The following CACUL1 variants were observed in gnomAD, a reference collection of about 807,000 sequenced individuals.
CACUL1 encodes CDK2-associated and cullin domain-containing protein 1.
CACUL1 carries 13 observed loss-of-function variants against 45.2 expected under a neutral mutation model. That is an observed-to-expected ratio of 0.29 (90% CI 0.19 to 0.46). CACUL1 has a LOEUF of 0.46. CACUL1 is among the 20% of genes least tolerant of loss of function. The pLI, the probability that CACUL1 is intolerant of heterozygous loss-of-function variation, is 1.00. For synonymous variants in CACUL1, 197 were observed against 174.2 expected (o/e 1.13, Z -1.03); for missense variants, 421 against 471.4 (o/e 0.89, Z 0.99).
At chr10:118,709,738 G>C (rs945037870) in intron 3 of CACUL1, among the ~76,000 whole-genome samples, 30 of 152,226 alleles carry the variant, frequency 2.0e-4, no homozygotes, top group African/African-American at 7.0e-4. Flanking sequence ...TTTCATAAAT[G>C]TCCAAATATT....
intron 4 of CACUL1, 57 bp downstream of exon 4, chr10:118,707,435 T>G (rs1845442897): frequency 2.5e-6 from 2 of 794,780 alleles, no homozygotes; most frequent in South Asian, 3.0e-5. Flanking sequence ...CTGCATCTAT[T>G]TGTGCTCTCA....
intron 1 of CACUL1, among the ~76,000 whole-genome samples, chr10:118,743,725 G>A (rs1473895701): frequency 9.2e-5 from 14 of 151,426 alleles, no homozygotes; most frequent in Non-Finnish European, 2.9e-5. Context: ...CGGAAACTCC[G>A]TCCCCAAAAA....
chr10:118,754,355 G>A (rs751629702), intron 1 of CACUL1, 41 bp downstream of exon 1: 1 of 1,463,502 alleles, frequency 6.8e-7, no homozygotes, highest in East Asian at 2.7e-5. Context: ...GTCCGAGTGA[G>A]GTGGAGAAAA....
intron 3 of CACUL1, among the ~76,000 whole-genome samples, chr10:118,724,831 T>C (rs1425800936): frequency 6.6e-6 from 1 of 152,134 alleles, no homozygotes; most frequent in Non-Finnish European, 1.5e-5. Flanking sequence ...AAGAGGAATA[T>C]GAAATACCAA....
At chr10:118,694,963 G>A (rs1845308284) in intron 6 of CACUL1, 178 bp downstream of exon 6, 1 of 484,514 alleles carries the variant, frequency 2.1e-6, no homozygotes, top group Non-Finnish European at 3.8e-6. Flanking sequence ...TCCACTAGCA[G>A]AGAACATTCC....
intron 4 of CACUL1, among the ~76,000 whole-genome samples, chr10:118,705,139 A>C (rs1156813211): frequency 6.6e-6 from 1 of 152,194 alleles, no homozygotes; most frequent in Non-Finnish European, 1.5e-5. Context: ...CATAAATTTT[A>C]TCAGAAGAGA....
rs1191418755 is a variant in CACUL1, at chr10:118,677,808, T to C, written c.*8320A>G. On this transcript the variant is annotated 3_prime_UTR_variant, in exon 9 of 9. Coordinates refer to ENST00000369151, the MANE Select transcript of CACUL1 (RefSeq NM_153810.5). ...CTTTTAATTATTACACATAATGCTG[T>C]TATAAACATCCCTGTATACGTTTCT... 6.6e-6 allele frequency: 1 copy of C among 152,254 alleles called. No homozygotes were observed. Among genetic ancestry groups the C allele is most frequent in the East Asian group, 1.9e-4 (1 of 5,206 alleles). The allele number at this position is 152,254 out of a possible 1,614,324, so 9.4% of individuals were successfully genotyped here.
chr10:118,683,881 A>G lies in CACUL1; in HGVS notation c.*2247T>C, dbSNP rs1213388620. 1 of 152,192 alleles carries G rather than the reference A, an allele frequency of 6.6e-6. No homozygotes were observed. The highest frequency in any genetic ancestry group is 1.5e-5 in the Non-Finnish European group (1 of 68,030). The allele number at this position is 152,192 out of a possible 1,614,324, so 9.4% of individuals were successfully genotyped here. ...GTCCTTCAAACTGTGATGTGCCTCA[A>G]GGGGCCAAGATGATTAACAGCCAGG... On this transcript the variant is annotated 3_prime_UTR_variant, in exon 9 of 9. Coordinates refer to ENST00000369151, the MANE Select transcript of CACUL1 (RefSeq NM_153810.5).
At chr10:118,739,765 CA>C (rs1845774432) in intron 1 of CACUL1, among the ~76,000 whole-genome samples, 1 of 152,220 alleles carries the variant, frequency 6.6e-6, no homozygotes, top group Non-Finnish European at 1.5e-5. Context: ...GCTTCACAGA[CA>C]AAAACAAAAG....
Position 118,739,429 on chromosome 10 carries a change from C to T in CACUL1, c.368-9019G>A, listed in dbSNP as rs139585404. On this transcript the variant is annotated intron_variant, in intron 1 of 8. Coordinates refer to ENST00000369151, the MANE Select transcript of CACUL1 (RefSeq NM_153810.5). ...AAGAAATTTTCTCAAGGGGAAAAAA[C>T]GAATGGCACCTGACTTCTCCATTTT... Among the ~76,000 whole-genome samples, 15 of 152,082 alleles carry T rather than the reference C, an allele frequency of 9.9e-5. No individual in the cohort carries two copies. The East Asian group carries it at 1.7e-3, about 18-fold the overall frequency.
chr10:118,728,317 CTTT>C (rs5788315), intron 3 of CACUL1, among the ~76,000 whole-genome samples: 3 of 140,798 alleles, frequency 2.1e-5, no homozygotes, highest in East Asian at 2.1e-4. Context: ...AGTGACTTTT[CTTT>C]TTTTTTTTTT....
At chr10:118,687,039 A>G (rs761373911) in intron 7 of CACUL1, among the ~76,000 whole-genome samples, 4 of 152,196 alleles carry the variant, frequency 2.6e-5, no homozygotes, top group African/African-American at 9.7e-5. Context: ...CTCAGCATTT[A>G]TAAGTTGATT....
chr10:118,686,282 G>C (rs752483), intron 8 of CACUL1, 114 bp from the exon 9 acceptor site: 61 of 902,810 alleles, frequency 6.8e-5, no homozygotes, highest in Non-Finnish European at 1.0e-4. Context: ...CCCAAAAAAG[G>C]CTTAAAAAAA....
chr10:118,701,138 C>T (rs1845375860), intron 5 of CACUL1, among the ~76,000 whole-genome samples, 168 bp downstream of exon 5: 2 of 152,062 alleles, frequency 1.3e-5, no homozygotes, highest in Non-Finnish European at 2.9e-5. Flanking sequence ...ACCTTCAAGT[C>T]CCATTTTTAA....
chr10:118,723,061 A>G (rs866877406), intron 3 of CACUL1, among the ~76,000 whole-genome samples: 4 of 152,316 alleles, frequency 2.6e-5, no homozygotes, highest in Middle Eastern at 3.4e-3. Context: ...CACAAGGAAC[A>G]GTACCAATCT....
intron 8 of CACUL1, 98 bp downstream of exon 8, chr10:118,686,500 T>C (rs1383300325): frequency 1.6e-5 from 15 of 957,614 alleles, no homozygotes; most frequent in Non-Finnish European, 2.0e-5. Flanking sequence ...GAGAACAACA[T>C]GGGTATCATC....
chr10:118,688,533 A>G (rs182304038), intron 7 of CACUL1, among the ~76,000 whole-genome samples: 208 of 151,902 alleles, frequency 1.4e-3, no homozygotes, highest in African/African-American at 4.9e-3. Context: ...AGGAGTATCA[A>G]TGTGATTTAT....
intron 1 of CACUL1, among the ~76,000 whole-genome samples, chr10:118,739,575 C>G (rs1845773102): frequency 6.6e-6 from 1 of 152,092 alleles, no homozygotes; most frequent in South Asian, 2.1e-4. Context: ...TTTAGATATG[C>G]CAAGACCTGA....
rs547142554 is a variant in CACUL1, at chr10:118,690,258, G to A, written c.1025+1007C>T. Among the ~76,000 whole-genome samples, 7 of 130,398 alleles carry A rather than the reference G, an allele frequency of 5.4e-5. No homozygotes were observed. In the East Asian group the frequency reaches 7.1e-4, roughly 13 times the overall value. The allele number at this position is 130,398 out of a possible 152,430, so 85.5% of individuals were successfully genotyped here. ...GGAGCTTGCAGTGAGCCGAGATTGC[G>A]CCACTGCAGTCCGCAGTCCGGCCTG... On this transcript the variant is annotated intron_variant, in intron 7 of 8. Transcript: ENST00000369151.
Sources: gnomAD v4.1 joint callset for allele counts (sites outside exome capture counted in the v4.1 genomes callset) on GRCh38, gnomAD v4.1.1 for gene constraint, MANE v1.5 for transcripts, NCBI Gene and HGNC (gene_info 2026-07-23, HGNC 2026-07-21) for gene names.